The following RPH3AL variants were observed in gnomAD, a reference collection of about 807,000 sequenced individuals.
RPH3AL encodes rabphilin 3A like (without C2 domains).
Under a neutral mutation model 43.1 loss-of-function variants are expected in RPH3AL, and 38 were observed. The ratio of observed to expected loss-of-function variants is 0.88; its 90% CI spans 0.68 to 1.15. RPH3AL has a LOEUF of 1.15. RPH3AL is among the 50% of genes most tolerant of loss of function. RPH3AL has a pLI of 0.00. For synonymous variants in RPH3AL, 189 were observed against 176.3 expected (o/e 1.07, Z -0.57); for missense variants, 462 against 423.2 (o/e 1.09, Z -0.81).
intron 6 of RPH3AL, among the ~76,000 whole-genome samples, chr17:248,291 C>T (rs2041812491): frequency 6.6e-6 from 1 of 152,206 alleles, no homozygotes; most frequent in Non-Finnish European, 1.5e-5. Context: ...CCACAAAGCT[C>T]CAGACTTGTT....
intron 5 of RPH3AL, among the ~76,000 whole-genome samples, chr17:286,952 C>A (rs1467251135): frequency 8.0e-6 from 1 of 124,522 alleles, no homozygotes; most frequent in African/African-American, 3.0e-5. Context: ...CTCTCTCCAC[C>A]GTCAGACCTC....
At chr17:214,083 G>C (rs749583437) in intron 9 of RPH3AL, among the ~76,000 whole-genome samples, 160 bp from the exon 10 acceptor site, 1 of 152,230 alleles carries the variant, frequency 6.6e-6, no homozygotes, top group East Asian at 1.9e-4. Context: ...GACCAGCACC[G>C]CTCTGCTCTG....
chr17:343,416 T>G (rs1389745475), intron 1 of RPH3AL, among the ~76,000 whole-genome samples: 2 of 152,198 alleles, frequency 1.3e-5, no homozygotes, highest in African/African-American at 4.8e-5. Flanking sequence ...TGTCACGCAC[T>G]CCAGGTAGCC....
In RPH3AL at chr17:264,207, G is replaced by T. The variant is rs2042265765; in HGVS notation, c.439-16922C>A. Among the ~76,000 whole-genome samples the T allele has an allele frequency of 6.6e-6, 1 of 152,212 alleles. No homozygotes were observed. Among genetic ancestry groups the T allele is most frequent in the Non-Finnish European group, 1.5e-5 (1 of 68,050 alleles). ...TTGTTTTCTGCCGGAAATGCCATCT[G>T]TCACTCAAACCCGAATAGAACCACC... On this transcript the variant is annotated intron_variant, in intron 6 of 9. Transcript: ENST00000331302. The surrounding 1 kb of genome is among the most constrained non-coding windows in gnomAD (Gnocchi z 4.8).
chr17:232,090 G>C (rs1317344742), intron 7 of RPH3AL, among the ~76,000 whole-genome samples: 1 of 144,296 alleles, frequency 6.9e-6, no homozygotes, highest in African/African-American at 2.9e-5. Flanking sequence ...ACAAATTCGT[G>C]TGTGTGAGCT....
At chr17:321,122 C>T (rs2044458297) in intron 4 of RPH3AL, 150 bp downstream of exon 4, 2 of 988,590 alleles carry the variant, frequency 2.0e-6, no homozygotes, top group South Asian at 1.6e-5. Flanking sequence ...ACAGAGCACC[C>T]TTCAGCAAGG....
rs1418772410 is a variant in RPH3AL, at chr17:319,515, T to G, written c.256A>C (p.Asn86His). The G allele has an allele frequency of 6.2e-6, 10 of 1,611,776 alleles. No homozygotes were observed. Among genetic ancestry groups the G allele is most frequent in the Admixed American group, 1.7e-5 (1 of 59,964 alleles). ...LVERLETMRRNVMGNGLSQCL... is the reference protein window; with the variant it reads ...LVERLETMRRHVMGNGLSQCL... ...TGGGACAGGCCGTTCCCCATCACAT[T>G]CCGCCTCATGGTCTCCAGCCGCTCC... The change falls in exon 5 of 10, where the codon AAT becomes CAT. Residue 86 changes from asparagine to histidine, a missense_variant. Physicochemically the swap from Asn to His is moderately conservative, Grantham distance 68. Transcript: ENST00000331302.
intron 5 of RPH3AL, among the ~76,000 whole-genome samples, chr17:307,886 G>A (rs1176257358): frequency 1.3e-5 from 2 of 152,222 alleles, no homozygotes; most frequent in African/African-American, 4.8e-5. Context: ...TGTTCCGCTT[G>A]CCAGACTCTG....
intron 7 of RPH3AL, among the ~76,000 whole-genome samples, chr17:236,505 C>G (rs1264040616): frequency 6.6e-6 from 1 of 152,038 alleles, no homozygotes; most frequent in Non-Finnish European, 1.5e-5. Flanking sequence ...AATAATTGGG[C>G]CAATCACTTT....
chr17:284,770 A>C (rs531816132), intron 5 of RPH3AL, among the ~76,000 whole-genome samples: 1 of 152,324 alleles, frequency 6.6e-6, no homozygotes, highest in African/African-American at 2.4e-5. Context: ...TGTAACAAAA[A>C]TACCATAGAC....
intron 6 of RPH3AL, among the ~76,000 whole-genome samples, chr17:280,358 T>A (rs117287880): frequency 0.025 from 3,752 of 151,966 alleles, 76 homozygotes; most frequent in Middle Eastern, 0.061. Context: ...ATAACATACA[T>A]AAGGAAATGA....
chr17:305,508 C>T (rs760404521), intron 5 of RPH3AL, among the ~76,000 whole-genome samples: 8 of 152,138 alleles, frequency 5.3e-5, no homozygotes, highest in Non-Finnish European at 7.4e-5. Flanking sequence ...GGTTCCTTCT[C>T]CACTGGATTC....
chr17:314,234 G>C (rs1786601132), intron 5 of RPH3AL, among the ~76,000 whole-genome samples: 1 of 152,166 alleles, frequency 6.6e-6, no homozygotes, highest in Non-Finnish European at 1.5e-5. Flanking sequence ...CCTATAGCTG[G>C]AATATTTACC....
In RPH3AL at chr17:328,199, A is replaced by G. The variant is rs1003904587; in HGVS notation, c.-36-620T>C. Among the ~76,000 whole-genome samples the G allele has an allele frequency of 6.6e-6, 1 of 151,694 alleles. No individual in the cohort carries two copies. Among genetic ancestry groups the G allele is most frequent in the Non-Finnish European group, 1.5e-5 (1 of 67,922 alleles). ...TGAAAATGGCACCTGGGGATCCCCC[A>G]GGGAGGTGGCCCTGCTCCAGGACCC... On this transcript the variant is annotated intron_variant, in intron 2 of 9. Coordinates refer to ENST00000331302, the MANE Select transcript of RPH3AL (RefSeq NM_006987.4). This position sits in a 1 kb window ranked among gnomAD's most constrained non-coding sequence, Gnocchi z 4.2.
At chr17:220,010 A>T (rs1402989596) in intron 7 of RPH3AL, among the ~76,000 whole-genome samples, 1 of 152,138 alleles carries the variant, frequency 6.6e-6, no homozygotes, top group Non-Finnish European at 1.5e-5. Context: ...CCACCTCCAC[A>T]TGACAACCCC....
At chr17:327,414 G>C in intron 3 of RPH3AL, 53 bp downstream of exon 3, 1 of 1,469,104 alleles carries the variant, frequency 6.8e-7, no homozygotes, top group Non-Finnish European at 9.5e-7. Context: ...AGACAGGAGA[G>C]GAGCAGGGAG....
At chr17:260,642 C>T (rs2042175768) in intron 6 of RPH3AL, among the ~76,000 whole-genome samples, 1 of 152,172 alleles carries the variant, frequency 6.6e-6, no homozygotes. Flanking sequence ...TTAAAGGTCT[C>T]TTCAAGGGTC....
chr17:245,330 T>C lies in RPH3AL; in HGVS notation c.613+1781A>G. Among the ~76,000 whole-genome samples, 1 of 150,988 alleles carries C rather than the reference T, an allele frequency of 6.6e-6. No individual in the cohort carries two copies. The highest frequency in any genetic ancestry group is 1.5e-5 in the Non-Finnish European group (1 of 67,752). ...GTGTGTGGATGTGGATGTCAGTGTG[T>C]GTGTGTGGATGTGAGTGTGTATGTG... On this transcript the variant is annotated intron_variant, in intron 7 of 9. Transcript: ENST00000331302. This position sits in a 1 kb window ranked among gnomAD's most constrained non-coding sequence, Gnocchi z 5.9.
rs114749354 is a variant in RPH3AL at position 290,702 on chromosome 17, A to G, written c.352-8848T>C. Among the ~76,000 whole-genome samples, 1,064 of 152,250 alleles carry G rather than the reference A, an allele frequency of 7.0e-3. 10 individuals are homozygous for G. The highest frequency in any genetic ancestry group is 0.025 in the African/African-American group (1,019 of 41,536). ...TGAGTCCTCACCGATCCATTTCATG[A>G]TGAGGAATTCCACCACGCTCCCGCA... On this transcript the variant is annotated intron_variant, in intron 5 of 9. Transcript: ENST00000331302. This position sits in a 1 kb window ranked among gnomAD's most constrained non-coding sequence, Gnocchi z 4.2.
Sources: gnomAD v4.1 joint callset for allele counts (sites outside exome capture counted in the v4.1 genomes callset) on GRCh38, gnomAD v4.1.1 for gene constraint, Gnocchi (gnomAD v3.1) non-coding constraint, MANE v1.5 for transcripts, NCBI Gene and HGNC (gene_info 2026-07-23, HGNC 2026-07-21) for gene names.